PHKG1: variants seen among roughly 807,000 people sequenced by gnomAD.
The protein encoded by PHKG1 is phosphorylase b kinase gamma catalytic chain, skeletal muscle/heart isoform.
A neutral mutation model predicts 50.5 loss-of-function variants in PHKG1; 48 were observed. The observed-to-expected ratio is 0.95, with a 90% CI of 0.75 to 1.21. PHKG1 has a LOEUF of 1.21. PHKG1 is among the 50% of genes most tolerant of loss of function. The pLI is 0.00. For synonymous variants in PHKG1, 204 were observed against 212.8 expected, an observed-to-expected ratio of 0.96 and a Z score of 0.36; for missense variants, 487 against 519.5, an observed-to-expected ratio of 0.94 and a Z score of 0.61.
intron 4 of PHKG1, among the ~76,000 whole-genome samples, chr7:56,086,561 T>C (rs1446032964): frequency 6.6e-6 from 1 of 152,116 alleles, no homozygotes; most frequent in African/African-American, 2.4e-5. Flanking sequence ...TGATCTCGGC[T>C]CACTTCAACC....
chr7:56,091,112 G>A (rs549074086), intron 1 of PHKG1, among the ~76,000 whole-genome samples: 2 of 152,322 alleles, frequency 1.3e-5, no homozygotes, highest in South Asian at 4.1e-4. Flanking sequence ...TACTTGGAAG[G>A]CTGAGGCAGG....
rs1562875685 is a variant in PHKG1 at position 56,081,271 on chromosome 7, A to C, written c.947T>G (p.Val316Gly). ...CCGGCGGTACTGGTAGTAGATCCGC[A>C]CTGAAGCCAGCACGGTCAGAGCGAT... Reference protein sequence around the residue: ...KVIALTVLASVRIYYQYRRVK... With the variant: ...KVIALTVLASGRIYYQYRRVK... Residue 316 changes from valine (V) to glycine (G), a missense_variant, in exon 10 of 10, where the codon GTG (valine) becomes GGG (glycine). Val to Gly is a moderately radical substitution (Grantham distance 109). Coordinates refer to ENST00000297373, the MANE Select transcript of PHKG1 (RefSeq NM_006213.5). This position sits in a 1 kb window ranked among gnomAD's most constrained non-coding sequence, Gnocchi z 4.6. 1 of 1,611,808 alleles carries C rather than the reference A, an allele frequency of 6.2e-7. No individual in the cohort carries two copies. The highest frequency in any genetic ancestry group is 1.3e-5 in the African/African-American group (1 of 74,916).
At chr7:56,088,017 T>C (rs1483234120) in intron 2 of PHKG1, among the ~76,000 whole-genome samples, 1 of 148,274 alleles carries the variant, frequency 6.7e-6, no homozygotes, top group Non-Finnish European at 1.5e-5. Context: ...TTTTTTTCCT[T>C]TTTGAGCCGT....
intron 4 of PHKG1, among the ~76,000 whole-genome samples, chr7:56,086,134 C>T (rs1056927954): frequency 2.6e-5 from 4 of 151,760 alleles, no homozygotes; most frequent in Admixed American, 2.6e-4. Flanking sequence ...ACATGCTTTC[C>T]TGACCACTCG....
chr7:56,083,409 C>T lies in PHKG1; in HGVS notation c.416G>A (p.Cys139Tyr), dbSNP rs1250738848. ...CACGATGTTGAGTTTGTGCAAGGTGCAGATCACCTCCAGCAGAGCTCGCAT... is the reference window on the plus strand; with the variant it reads ...CACGATGTTGAGTTTGTGCAAGGTGTAGATCACCTCCAGCAGAGCTCGCAT... ...KIMRALLEVI[C>Y]TLHKLNIVHR... The change falls in exon 6 of 10, where the codon TGC (cysteine) becomes TAC (tyrosine). Residue 139 changes from cysteine (C) to tyrosine (Y), a missense_variant. By Grantham distance (194) the Cys-to-Tyr change is radical (BLOSUM62 -2). Transcript: ENST00000297373. 6.2e-7 allele frequency: 1 copy of T among 1,614,168 alleles called. No homozygotes were observed. The highest frequency in any genetic ancestry group is 8.5e-7 in the Non-Finnish European group (1 of 1,180,022).
chr7:56,086,222 T>A (rs995740624), intron 4 of PHKG1, among the ~76,000 whole-genome samples: 1 of 151,854 alleles, frequency 6.6e-6, no homozygotes, highest in African/African-American at 2.4e-5. Context: ...TTTATCTGCA[T>A]AGGATATGTT....
At chr7:56,089,201 C>T (rs986104670) in intron 1 of PHKG1, among the ~76,000 whole-genome samples, 1 of 152,008 alleles carries the variant, frequency 6.6e-6, no homozygotes, top group Non-Finnish European at 1.5e-5. Flanking sequence ...GCCAGGATTT[C>T]GAGACCAGCC....
chr7:56,092,191 CTT>C (rs1257825092), intron 1 of PHKG1, among the ~76,000 whole-genome samples: 2 of 152,192 alleles, frequency 1.3e-5, no homozygotes, highest in African/African-American at 4.8e-5. Flanking sequence ...CTGGGGCCAA[CTT>C]TGTGCCTCTG....
At chr7:56,083,537 C>T in intron 5 of PHKG1, 96 bp from the exon 6 acceptor site, 3 of 1,523,348 alleles carry the variant, frequency 2.0e-6, no homozygotes, top group Non-Finnish European at 9.1e-7. Context: ...TGCAAGGGAG[C>T]AGCACACACG....
At position 56,084,144 on chromosome 7, in the gene PHKG1, A is replaced by G. The variant is rs1042920747; in HGVS notation, c.318-429T>C. On this transcript the variant is annotated intron_variant, in intron 4 of 9. Transcript: ENST00000297373. ...GCCCCGAGCTGGTGGCCCTGTGAGC[A>G]GTACCTTGCCCTGCCCTGGGCCCTG... The G allele has an allele frequency of 2.6e-5, 39 of 1,498,940 alleles. No individual in the cohort carries two copies. In the African/African-American group the frequency reaches 5.3e-4, roughly 20 times the overall value. 92.9% of individuals were successfully genotyped at this position (1,498,940 alleles called of 1,614,324 possible). A position where few individuals can be genotyped will look rare whatever the true frequency, so the allele number is the denominator to read the frequency against.
chr7:56,087,649 T>C lies in PHKG1; in HGVS notation c.211A>G (p.Thr71Ala). Residue 71 changes from threonine to alanine, a missense_variant, in exon 3 of 10, where the codon ACG becomes GCG. Coordinates refer to ENST00000297373, the MANE Select transcript of PHKG1 (RefSeq NM_006213.5). ...CGCAGGATGTCCACCTCCTTCAGCGTGGCTTCTCGCAGCTCCCGCACCTCC... is the reference window on the plus strand; with the variant it reads ...CGCAGGATGTCCACCTCCTTCAGCGCGGCTTCTCGCAGCTCCCGCACCTCC... ...PEEVRELREA[T>A]LKEVDILRKV... 6.2e-7 allele frequency: 1 copy of C among 1,614,016 alleles called. No individual in the cohort carries two copies. Among genetic ancestry groups the C allele is most frequent in the Non-Finnish European group, 8.5e-7 (1 of 1,180,008 alleles).
chr7:56,084,293 G>T, intron 4 of PHKG1: 2 of 1,114,542 alleles, frequency 1.8e-6, no homozygotes, highest in Middle Eastern at 1.9e-4. Context: ...CTAAATGATG[G>T]CTGGAGGCTG....
rs1260216190 is a variant in PHKG1, at chr7:56,091,533, A to G, written c.-35+1303T>C. ...CTCCATCTCAAAAAAAAAAAGACAA[A>G]ACAAAACAAAATCAGATGCAGGATT... On this transcript the variant is annotated intron_variant, in intron 1 of 9. Coordinates refer to ENST00000297373, the MANE Select transcript of PHKG1 (RefSeq NM_006213.5). Among the ~76,000 whole-genome samples, 20 of 151,994 alleles carry G rather than the reference A, an allele frequency of 1.3e-4. No individual in the cohort carries two copies. The East Asian group carries it at 3.3e-3, about 25-fold the overall frequency.
At chr7:56,088,788 A>T (rs1420240366) in intron 2 of PHKG1, 71 bp downstream of exon 2, 3 of 1,019,576 alleles carry the variant, frequency 2.9e-6, no homozygotes, top group Non-Finnish European at 4.6e-6. Flanking sequence ...GGGGTGGAGC[A>T]GAGCTGGCTG....
chr7:56,083,245 G>A lies in PHKG1; in HGVS notation c.547+33C>T, dbSNP rs549011830. 2.5e-6 allele frequency: 4 copies of A among 1,608,518 alleles called. 1 individual carries two copies. In the South Asian group the frequency reaches 3.3e-5, roughly 13 times the overall value. On this transcript the variant is annotated intron_variant, in intron 6 of 9. Transcript: ENST00000297373. ...GCAGATGGTTGATTGAGCACCCGAG[G>A]CCTGGACGTGGGCCAAGGCCATGTT...
Position 56,081,881 on chromosome 7 carries a change from C to T in PHKG1, c.792+12G>A. ...GCCCTGAGCCCAGGAGCCAGTTGGC[C>T]TGGCCTCTCACCAGGTCCTTCACGG... On this transcript the variant is annotated intron_variant, in intron 8 of 9. Coordinates refer to ENST00000297373, the MANE Select transcript of PHKG1 (RefSeq NM_006213.5). The surrounding 1 kb of genome is among the most constrained non-coding windows in gnomAD (Gnocchi z 4.6). 1 of 1,613,064 alleles carries T rather than the reference C, an allele frequency of 6.2e-7. No homozygotes were observed. Among genetic ancestry groups the T allele is most frequent in the African/African-American group, 1.3e-5 (1 of 75,046 alleles).
Position 56,087,788 on chromosome 7 carries a change from G to A in PHKG1, c.84-12C>T. On this transcript the variant is annotated splice_polypyrimidine_tract_variant and intron_variant, in intron 2 of 9. Coordinates refer to ENST00000297373, the MANE Select transcript of PHKG1 (RefSeq NM_006213.5). ...CACTGCTAACGCCCCTGGGAGTGCA[G>A]AGGACAGATGGCCTCGGGGGGCCCC... 1 of 1,600,566 alleles carries A rather than the reference G, an allele frequency of 6.2e-7. No homozygotes were observed. Among genetic ancestry groups the A allele is most frequent in the South Asian group, 1.1e-5 (1 of 90,982 alleles).
chr7:56,082,888 GTA>G (rs1257203689), intron 6 of PHKG1, among the ~76,000 whole-genome samples: 1 of 151,780 alleles, frequency 6.6e-6, no homozygotes, highest in Non-Finnish European at 1.5e-5. Flanking sequence ...CGGGCGGATC[GTA>G]AGGTCAGGAG....
At chr7:56,083,143 C>A in intron 6 of PHKG1, 135 bp downstream of exon 6, 1 of 754,424 alleles carries the variant, frequency 1.3e-6, no homozygotes, top group South Asian at 2.0e-5. Flanking sequence ...AAAAAAAATC[C>A]CTAGCCCTTG....
Sources: allele counts gnomAD v4.1 joint callset (sites outside exome capture counted in the v4.1 genomes callset), GRCh38; gene constraint gnomAD v4.1.1; non-coding constraint Gnocchi (gnomAD v3.1); transcripts MANE v1.5; gene names NCBI Gene and HGNC (gene_info 2026-07-23, HGNC 2026-07-21).